ARID1B: variants seen among roughly 807,000 people sequenced by gnomAD.
ARID1B encodes AT-rich interactive domain-containing protein 1B.
ARID1B carries 30 observed loss-of-function variants against 212.3 expected under a neutral mutation model. That is an observed-to-expected ratio of 0.14 (90% confidence interval 0.11 to 0.19). ARID1B has a LOEUF of 0.19. Ranked by LOEUF, ARID1B falls within the 10% of genes least tolerant of loss-of-function variation. The pLI is 1.00. For synonymous variants in ARID1B, 1,402 were observed against 1,301.7 expected, an observed-to-expected ratio of 1.08 and a Z score of -1.66; for missense variants, 2,891 against 3,204.0, an observed-to-expected ratio of 0.90 and a Z score of 2.36.
At chr6:156,859,828 G>C (rs1230627884) in intron 2 of ARID1B, among the ~76,000 whole-genome samples, 2 of 152,212 alleles carry the variant, frequency 1.3e-5, no homozygotes, top group Non-Finnish European at 2.9e-5. Context: ...GGCACAGAAA[G>C]ACTAAGGTGA....
chr6:157,128,912 T>G (rs1394188945), intron 6 of ARID1B, among the ~76,000 whole-genome samples: 1 of 152,212 alleles, frequency 6.6e-6, no homozygotes, highest in East Asian at 1.9e-4. Context: ...AAGACAGGGA[T>G]GTGAGAGGTA....
chr6:157,190,177 C>T lies in ARID1B; in HGVS notation c.4198C>T (p.Pro1400Ser), dbSNP rs866886080. 6.2e-7 allele frequency: 1 copy of T among 1,613,708 alleles called. No individual in the cohort carries two copies. Among genetic ancestry groups the T allele is most frequent in the Non-Finnish European group, 8.5e-7 (1 of 1,179,950 alleles). Residue 1400 changes from proline (P) to serine (S), a missense_variant, in exon 15 of 20, where the codon CCC (proline) becomes TCC (serine). Transcript: ENST00000636930. The surrounding 1 kb of genome is among the most constrained non-coding windows in gnomAD (Gnocchi z 4.6). Reference protein sequence around the residue: ...PDVMGRMPYEPNKDPFGGMRK... With the variant: ...PDVMGRMPYESNKDPFGGMRK... ...TGTGATGGGCAGGATGCCCTATGAG[C>T]CCAACAAGGACCCCTTTGGGGGAAT...
intron 4 of ARID1B, among the ~76,000 whole-genome samples, chr6:156,946,280 G>C (rs958734236): frequency 6.6e-6 from 1 of 152,004 alleles, no homozygotes; most frequent in Non-Finnish European, 1.5e-5. Context: ...GCTGAGGCAA[G>C]AGAATTGCTT....
chr6:156,820,380 C>G (rs1273776241), intron 1 of ARID1B, among the ~76,000 whole-genome samples: 1 of 151,998 alleles, frequency 6.6e-6, no homozygotes, highest in Non-Finnish European at 1.5e-5. Context: ...GTTAATTATG[C>G]CAGGCATTGT....
At chr6:157,088,371 A>G (rs1470374443) in intron 5 of ARID1B, among the ~76,000 whole-genome samples, 1 of 152,206 alleles carries the variant, frequency 6.6e-6, no homozygotes, top group Non-Finnish European at 1.5e-5. Context: ...TCAGTTTTTG[A>G]TAACAGTTCA....
At chr6:157,123,223 T>TCCCCCC (rs1192105217) in intron 6 of ARID1B, among the ~76,000 whole-genome samples, 18 of 23,906 alleles carry the variant, frequency 7.5e-4, no homozygotes, top group African/African-American at 1.3e-3. Flanking sequence ...TTTCTTTCTC[T>TCCCCCC]CCCCCCCGCC....
chr6:157,080,600 C>T (rs9478748), intron 4 of ARID1B, among the ~76,000 whole-genome samples: 3,532 of 152,212 alleles, frequency 0.023, 129 homozygotes, highest in African/African-American at 0.08. Flanking sequence ...CTGAGCCTGC[C>T]CCAACATAGA....
chr6:156,899,758 A>G (rs1325761481), intron 2 of ARID1B, among the ~76,000 whole-genome samples: 1 of 152,160 alleles, frequency 6.6e-6, no homozygotes, highest in African/African-American at 2.4e-5. Flanking sequence ...CCCAAACAAC[A>G]CTTCCATATT....
At position 156,857,929 on chromosome 6, in the gene ARID1B, C is replaced by T. The variant is rs796569108; in HGVS notation, c.1986+28508C>T. On this transcript the variant is annotated intron_variant, in intron 2 of 19. Coordinates refer to ENST00000636930, the MANE Select transcript of ARID1B (RefSeq NM_001374828.1). ...TGGAACACAGTGGCAAGTGTTTGTGCGTCAACATATTGAAACATAGAAAAG... is the reference window on the plus strand; with the variant it reads ...TGGAACACAGTGGCAAGTGTTTGTGTGTCAACATATTGAAACATAGAAAAG... Among the ~76,000 whole-genome samples the T allele has an allele frequency of 4.6e-5, 7 of 152,158 alleles. No individual in the cohort carries two copies. In the East Asian group the frequency reaches 5.8e-4, roughly 13 times the overall value.
chr6:157,085,090 T>C (rs1784881343), intron 5 of ARID1B, among the ~76,000 whole-genome samples, 185 bp downstream of exon 5: 1 of 152,232 alleles, frequency 6.6e-6, no homozygotes, highest in African/African-American at 2.4e-5. Context: ...TGATTATAAC[T>C]ACCCCTTTAA....
At chr6:156,917,746 G>A (rs1019941624) in intron 3 of ARID1B, among the ~76,000 whole-genome samples, 2 of 152,044 alleles carry the variant, frequency 1.3e-5, no homozygotes, top group Non-Finnish European at 2.9e-5. Context: ...ATGAAATGAG[G>A]TTATTTATTG....
intron 6 of ARID1B, among the ~76,000 whole-genome samples, chr6:157,128,761 G>A (rs1480268618): frequency 2.0e-5 from 3 of 152,192 alleles, no homozygotes. Flanking sequence ...GACATTTATA[G>A]AAAAGGAAGT....
chr6:156,777,868 A>ACGGCGG lies in ARID1B; in HGVS notation c.196_201dup (p.Gly66_Gly67dup). On this transcript the variant is annotated inframe_insertion, in exon 1 of 20. Transcript: ENST00000636930. ...GGACCCATGCTGGGGGGCGGCGGCGACGGCGGCGGCGGCCTGAACAGTGTG... is the reference window on the plus strand; with the variant it reads ...GGACCCATGCTGGGGGGCGGCGGCGACGGCGGCGGCGGCGGCGGCCTGAACAGTGTG... 5.2e-6 allele frequency: 7 copies of ACGGCGG among 1,333,858 alleles called. No individual in the cohort carries two copies. The highest frequency in any genetic ancestry group is 6.7e-6 in the Non-Finnish European group (7 of 1,049,080). The allele number at this position is 1,333,858 out of a possible 1,614,324, so 82.6% of individuals were successfully genotyped here.
At chr6:156,892,955 T>G (rs1788055587) in intron 2 of ARID1B, among the ~76,000 whole-genome samples, 2 of 152,022 alleles carry the variant, frequency 1.3e-5, no homozygotes, top group African/African-American at 4.8e-5. Flanking sequence ...CCTTAGACTA[T>G]ATATAACAAT....
At position 156,779,385 on chromosome 6, in the gene ARID1B, G is replaced by A. The variant is rs776060836; in HGVS notation, c.1705G>A (p.Ala569Thr). The change falls in exon 1 of 20, where the codon GCC becomes ACC. Residue 569 changes from alanine to threonine, a missense_variant. Transcript: ENST00000636930. ...GKDMGAQYAA[A>T]SPAWAAAQQR... is the part of the protein sequence containing the mutation. ...GGACATGGGCGCCCAGTACGCCGCT[G>A]CCAGCCCGGCCTGGGCGGCCGCGCA... 10 of 1,402,662 alleles carry A rather than the reference G, an allele frequency of 7.1e-6. No individual in the cohort carries two copies. Among genetic ancestry groups the A allele is most frequent in the South Asian group, 5.6e-5 (4 of 72,070 alleles). The allele number at this position is 1,402,662 out of a possible 1,614,324, so 86.9% of individuals were successfully genotyped here.
chr6:156,905,446 G>A (rs1324977725), intron 3 of ARID1B, among the ~76,000 whole-genome samples: 1 of 152,146 alleles, frequency 6.6e-6, no homozygotes, highest in Non-Finnish European at 1.5e-5. Context: ...TTATAGTTAG[G>A]ACTTCAAACT....
At chr6:156,858,388 AAC>A (rs2128123103) in intron 2 of ARID1B, among the ~76,000 whole-genome samples, 1 of 152,340 alleles carries the variant, frequency 6.6e-6, no homozygotes, top group African/African-American at 2.4e-5. Flanking sequence ...GAATGTTCCT[AAC>A]ACAAAGAAAT....
At chr6:156,872,880 T>C (rs1786256702) in intron 2 of ARID1B, among the ~76,000 whole-genome samples, 1 of 152,184 alleles carries the variant, frequency 6.6e-6, no homozygotes, top group Non-Finnish European at 1.5e-5. Context: ...TTTTCCTCCA[T>C]GCTGTTTTTC....
At chr6:156,915,629 C>G (rs188262687) in intron 3 of ARID1B, among the ~76,000 whole-genome samples, 3 of 151,786 alleles carry the variant, frequency 2.0e-5, no homozygotes, top group African/African-American at 7.2e-5. Flanking sequence ...GGCTCAGTGG[C>G]TCATGCCTGA....
Sources: allele counts gnomAD v4.1 joint callset (sites outside exome capture counted in the v4.1 genomes callset), GRCh38; gene constraint gnomAD v4.1.1; non-coding constraint Gnocchi (gnomAD v3.1); transcripts MANE v1.5; gene names NCBI Gene and HGNC (gene_info 2026-07-23, HGNC 2026-07-21).